ARID1B: variants seen among roughly 807,000 people sequenced by gnomAD.
ARID1B encodes the protein AT-rich interaction domain 1B, also known as AT-rich interactive domain-containing protein 1B.
ARID1B carries 30 observed loss-of-function variants against 212.3 expected under a neutral mutation model. The ratio of observed to expected loss-of-function variants is 0.14; its 90% CI spans 0.11 to 0.19. The LOEUF (loss-of-function observed/expected upper bound fraction) is 0.19, where lower values mean the gene tolerates loss of function less well. Among genes scored for constraint, ARID1B ranks in the 10% least tolerant of loss-of-function variants. The pLI is 1.00. For missense variants in ARID1B, 2,891 were observed against 3,204.0 expected (o/e 0.90, Z 2.36); for synonymous variants, 1,402 against 1,301.7 (o/e 1.08, Z -1.66).
intron 4 of ARID1B, among the ~76,000 whole-genome samples, chr6:157,039,882 T>TTCCTTCCTTCCTTCCTTC (rs1554287391): frequency 4.3e-4 from 29 of 67,230 alleles, no homozygotes; most frequent in African/African-American, 1.5e-3. Flanking sequence ...CTTTCTTTTC[T>TTCCTTCCTTCCTTCCTTC]CTTCCTTCCT....
At chr6:157,041,589 GTTT>G (rs1202524149) in intron 4 of ARID1B, among the ~76,000 whole-genome samples, 1 of 152,138 alleles carries the variant, frequency 6.6e-6, no homozygotes, top group Non-Finnish European at 1.5e-5. Context: ...AAAAAAGCAC[GTTT>G]TTATTTAATC....
chr6:156,842,647 A>T (rs1355848048), intron 2 of ARID1B, among the ~76,000 whole-genome samples: 1 of 152,208 alleles, frequency 6.6e-6, no homozygotes, highest in East Asian at 1.9e-4. Flanking sequence ...TTGCTGGATC[A>T]TGTGGTAATT....
chr6:156,873,025 C>T (rs570041270), intron 2 of ARID1B, among the ~76,000 whole-genome samples: 17 of 149,086 alleles, frequency 1.1e-4, no homozygotes, highest in South Asian at 1.1e-3. Context: ...CCAGAACTGT[C>T]GGACAGCGAG....
At chr6:156,818,431 T>C (rs1782126237) in intron 1 of ARID1B, among the ~76,000 whole-genome samples, 1 of 152,196 alleles carries the variant, frequency 6.6e-6, no homozygotes. Flanking sequence ...AGAGGCATGG[T>C]AGCAACCATA....
chr6:156,980,226 T>C (rs1777519280), intron 4 of ARID1B, among the ~76,000 whole-genome samples: 3 of 152,198 alleles, frequency 2.0e-5, no homozygotes, highest in African/African-American at 7.2e-5. Flanking sequence ...CTCACACCTG[T>C]AATCCCAGCA....
intron 2 of ARID1B, among the ~76,000 whole-genome samples, chr6:156,872,210 T>A (rs1786188937): frequency 6.6e-6 from 1 of 152,192 alleles, no homozygotes; most frequent in Non-Finnish European, 1.5e-5. Flanking sequence ...GTCGATGAGA[T>A]TTCATGTGTA....
At chr6:157,189,264 T>C (rs1385997732) in intron 13 of ARID1B, among the ~76,000 whole-genome samples, 7 of 152,206 alleles carry the variant, frequency 4.6e-5, no homozygotes, top group Non-Finnish European at 8.8e-5. Flanking sequence ...AAATGTACAT[T>C]TAGATTATTT....
At position 157,174,626 on chromosome 6, in the gene ARID1B, C is replaced by T. The variant is rs1234297093; in HGVS notation, c.3346-221C>T. ...ATGGTGGCGTACTGGCCTTCTCCAG[C>T]ATCCAGCAGACTTACCCAATTATAC... On this transcript the variant is annotated intron_variant, in intron 10 of 19. Transcript: ENST00000636930. 2.0e-5 allele frequency among the ~76,000 whole-genome samples: 3 copies of T among 150,856 alleles called. No homozygotes were observed. In the East Asian group the frequency reaches 5.8e-4, roughly 29 times the overall value.
intron 4 of ARID1B, among the ~76,000 whole-genome samples, chr6:156,944,249 C>T (rs955393291): frequency 2.6e-5 from 4 of 152,182 alleles, no homozygotes; most frequent in South Asian, 2.1e-4. Context: ...CTCCTGTGTG[C>T]TGCTTGGTGG....
intron 8 of ARID1B, among the ~76,000 whole-genome samples, chr6:157,155,903 C>T (rs1051674246): frequency 1.4e-4 from 22 of 152,120 alleles, no homozygotes; most frequent in Non-Finnish European, 8.8e-5. Flanking sequence ...GGCTCATGTG[C>T]ACCCCACATA....
chr6:157,034,673 C>T (rs1477424156), intron 4 of ARID1B, among the ~76,000 whole-genome samples: 1 of 152,162 alleles, frequency 6.6e-6, no homozygotes, highest in Non-Finnish European at 1.5e-5. Context: ...TTCCTTCCAA[C>T]TTAGGTAAAA....
chr6:156,988,049 T>C (rs1778041205), intron 4 of ARID1B, among the ~76,000 whole-genome samples: 1 of 152,022 alleles, frequency 6.6e-6, no homozygotes, highest in Admixed American at 6.5e-5. Flanking sequence ...ATGCTTACTG[T>C]TGGTACATAT....
intron 9 of ARID1B, chr6:157,169,365 G>A (rs1335760156): frequency 2.6e-5 from 4 of 151,904 alleles, no homozygotes; most frequent in Admixed American, 1.3e-4. Flanking sequence ...GACAGTGTAC[G>A]GGGCCAAAAA....
chr6:156,920,531 T>C (rs1790697507), intron 3 of ARID1B, among the ~76,000 whole-genome samples: 1 of 152,210 alleles, frequency 6.6e-6, no homozygotes, highest in African/African-American at 2.4e-5. Context: ...TTAAAATTTT[T>C]AATTAGAGTA....
chr6:156,829,703 G>C (rs1783010375), intron 2 of ARID1B: 1 of 299,702 alleles, frequency 3.3e-6, no homozygotes, highest in East Asian at 5.6e-5. Flanking sequence ...GGTTATAACA[G>C]ATGTAAGCTC....
At chr6:157,124,158 T>C (rs1787975343) in intron 6 of ARID1B, among the ~76,000 whole-genome samples, 1 of 152,272 alleles carries the variant, frequency 6.6e-6, no homozygotes, top group African/African-American at 2.4e-5. Flanking sequence ...AATGATTCTT[T>C]GGAAACACCG....
At chr6:156,946,704 G>A (rs756043658) in intron 4 of ARID1B, among the ~76,000 whole-genome samples, 3 of 149,702 alleles carry the variant, frequency 2.0e-5, no homozygotes, top group Admixed American at 6.6e-5. Context: ...TAGAGGGAGG[G>A]AGGGAGGGAA....
intron 1 of ARID1B, among the ~76,000 whole-genome samples, chr6:156,801,612 C>G (rs891307435): frequency 6.6e-6 from 1 of 152,008 alleles, no homozygotes; most frequent in African/African-American, 2.4e-5. Context: ...AGATTTTTTC[C>G]TCTGCTTGAA....
At chr6:157,018,113 C>T (rs1397067647) in intron 4 of ARID1B, among the ~76,000 whole-genome samples, 5 of 148,742 alleles carry the variant, frequency 3.4e-5, no homozygotes, top group African/African-American at 1.3e-4. Flanking sequence ...GCCTGGGCAA[C>T]AGAGCAAGAC....
Sources: allele counts gnomAD v4.1 joint callset (sites outside exome capture counted in the v4.1 genomes callset), GRCh38; gene constraint gnomAD v4.1.1; transcripts MANE v1.5; gene names NCBI Gene and HGNC (gene_info 2026-07-23, HGNC 2026-07-21).